Variants in PYGM observed in about 807,000 individuals in gnomAD.
PYGM encodes glycogen phosphorylase, muscle associated.
Under a neutral mutation model 99.3 loss-of-function variants are expected in PYGM, and 81 were observed. That is an observed-to-expected ratio of 0.82 (90% CI 0.68 to 0.98). PYGM has a LOEUF of 0.98. Among genes scored for constraint, PYGM ranks in the 50% least tolerant of loss-of-function variants. The pLI, the probability that PYGM is intolerant of heterozygous loss-of-function variation, is 0.00. For missense variants in PYGM, 1,030 were observed against 1,158.1 expected, an observed-to-expected ratio of 0.89 and a Z score of 1.61; for synonymous variants, 436 against 451.5, an observed-to-expected ratio of 0.97 and a Z score of 0.44.
At chr11:64,751,698 C>T (rs929632927) in intron 14 of PYGM, 43 bp from the exon 15 acceptor site, 1 of 1,609,436 alleles carries the variant, frequency 6.2e-7, no homozygotes, top group African/African-American at 1.3e-5. Flanking sequence ...ACCTTTCCCT[C>T]TGGGTAGTAG....
chr11:64,748,757 A>G (rs2058332010), intron 17 of PYGM: 1 of 152,228 alleles, frequency 6.6e-6, no homozygotes, highest in African/African-American at 2.4e-5. Context: ...ATGCTAAGAT[A>G]TCAGGATTCA....
Position 64,750,588 on chromosome 11 carries a change from G to C in PYGM, c.1970-5C>G. The C allele has an allele frequency of 6.2e-7, 1 of 1,613,742 alleles. No individual in the cohort carries two copies. Among genetic ancestry groups the C allele is most frequent in the Non-Finnish European group, 8.5e-7 (1 of 1,179,870 alleles). ...AGAGGTCTGCAGCTGGGATCACTGTGGGGTGGCAGCAGGGGGACAAGTCAA... is the reference window on the plus strand; with the variant it reads ...AGAGGTCTGCAGCTGGGATCACTGTCGGGTGGCAGCAGGGGGACAAGTCAA... On this transcript the variant is annotated splice_polypyrimidine_tract_variant and splice_region_variant and intron_variant, in intron 16 of 19. Coordinates refer to ENST00000164139, the MANE Select transcript of PYGM (RefSeq NM_005609.4).
chr11:64,751,317 G>C lies in PYGM; in HGVS notation c.1969+8C>G. On this transcript the variant is annotated splice_region_variant and intron_variant, in intron 16 of 19. Coordinates refer to ENST00000164139, the MANE Select transcript of PYGM (RefSeq NM_005609.4). Reference sequence around the variant, plus strand: ...AGCCTCCCTAGGGTCCCTGTTGGCAGCACCCACCTTTCTCGGCCAGTGAGA... The same window carrying C: ...AGCCTCCCTAGGGTCCCTGTTGGCACCACCCACCTTTCTCGGCCAGTGAGA... The C allele has an allele frequency of 6.2e-7, 1 of 1,614,116 alleles. No individual in the cohort carries two copies. The highest frequency in any genetic ancestry group is 8.5e-7 in the Non-Finnish European group (1 of 1,180,020).
At chr11:64,750,606 C>T in intron 16 of PYGM, 23 bp from the exon 17 acceptor site, 1 of 1,611,106 alleles carries the variant, frequency 6.2e-7, no homozygotes, top group Non-Finnish European at 8.5e-7. Flanking sequence ...AGCAGGGGGA[C>T]AAGTCAACTC....
At chr11:64,758,862 G>A (rs2135841174) in intron 1 of PYGM, among the ~76,000 whole-genome samples, 158 bp from the exon 2 acceptor site, 1 of 152,284 alleles carries the variant, frequency 6.6e-6, no homozygotes, top group South Asian at 2.1e-4. Flanking sequence ...TTGGGGCCCA[G>A]CGGTTAAGGT....
In PYGM at chr11:64,746,776, C is replaced by T. The variant is rs199927544; in HGVS notation, c.2412G>A (p.Arg804=). ...NPREWTRMVI[R]NIATSGKFSS... ...AGAACTTGCCAGAGGTGGCTATGTT[C>T]CGGATCACCATCCGCGTCCACTCTC... The change falls in exon 20 of 20, where the codon CGG becomes CGA. Residue 804 remains arginine (R), a synonymous_variant. Transcript: ENST00000164139. 86 of 1,614,162 alleles carry T rather than the reference C, an allele frequency of 5.3e-5. No individual in the cohort carries two copies. The East Asian group carries it at 1.7e-3, about 31-fold the overall frequency.
rs141889634 is a variant in PYGM at position 64,754,722 on chromosome 11, G to A, written c.970C>T (p.Arg324Cys). ...SSKFGCRDPV[R>C]TNFDAFPDKV... ...TCTGGGAAGGCATCGAAGTTCGTGC[G>A]CACGGGATCACGGCAGCCGAACTTG... The change falls in exon 8 of 20, where the codon CGC (arginine) becomes TGC (cysteine). Residue 324 changes from arginine to cysteine, a missense_variant. Coordinates refer to ENST00000164139, the MANE Select transcript of PYGM (RefSeq NM_005609.4). This position sits in a 1 kb window ranked among gnomAD's most constrained non-coding sequence, Gnocchi z 5.5. The A allele has an allele frequency of 4.3e-6, 7 of 1,613,660 alleles. No individual in the cohort carries two copies. Among genetic ancestry groups the A allele is most frequent in the South Asian group, 2.2e-5 (2 of 91,026 alleles).
Position 64,754,000 on chromosome 11 carries a change from C to G in PYGM, c.1118G>C (p.Cys373Ser). 3 of 1,605,642 alleles carry G rather than the reference C, an allele frequency of 1.9e-6. No homozygotes were observed. Among genetic ancestry groups the G allele is most frequent in the Non-Finnish European group, 2.6e-6 (3 of 1,176,012 alleles). The change falls in exon 10 of 20, where the codon TGT becomes TCT. Residue 373 changes from cysteine (C) to serine (S), a missense_variant. Transcript: ENST00000164139. Reference protein sequence around the residue: ...DKAWDVTVRTCAYTNHTVLPE... With the variant: ...DKAWDVTVRTSAYTNHTVLPE... The stretch of plus-strand genomic sequence containing the variant: ...CAGCACCGTGTGGTTGGTGTAGGCA[C>G]AGGTCCTCACTGTCACATCCCACGC...
intron 1 of PYGM, among the ~76,000 whole-genome samples, chr11:64,759,308 G>T (rs2058417320): frequency 6.6e-6 from 1 of 151,594 alleles, no homozygotes; most frequent in Non-Finnish European, 1.5e-5. Flanking sequence ...AGCTGCCCCA[G>T]CCCCGCCTGC....
intron 5 of PYGM, 50 bp downstream of exon 5, chr11:64,757,729 C>G: frequency 1.2e-6 from 2 of 1,612,878 alleles, no homozygotes; most frequent in East Asian, 2.2e-5. Context: ...GGGCTTCCTT[C>G]TCTTCCCTCC....
chr11:64,752,363 T>G (rs757383659), intron 13 of PYGM, 40 bp downstream of exon 13: 1 of 1,598,480 alleles, frequency 6.3e-7, no homozygotes, highest in Admixed American at 1.7e-5. Context: ...TCCAGCGCTC[T>G]CCACACAGCA....
intron 1 of PYGM, among the ~76,000 whole-genome samples, 176 bp from the exon 2 acceptor site, chr11:64,758,880 C>T (rs118038492): frequency 0.012 from 1,781 of 152,296 alleles, 8 homozygotes; most frequent in Admixed American, 0.028. Flanking sequence ...GGTTCTGGTC[C>T]CAGCATTCCT....
intron 16 of PYGM, 63 bp downstream of exon 16, chr11:64,751,262 G>A: frequency 6.2e-7 from 1 of 1,605,412 alleles, no homozygotes; most frequent in Non-Finnish European, 8.5e-7. Context: ...AGAGACGACT[G>A]ATACCTCTTC....
In PYGM at chr11:64,747,337, G is replaced by C. The variant is rs140102591; in HGVS notation, c.2199C>G (p.Tyr733Ter). 2.5e-6 allele frequency: 4 copies of C among 1,614,064 alleles called. No homozygotes were observed. The Admixed American group carries it at 6.7e-5, about 27-fold the overall frequency. Residue 733 changes from tyrosine (Y) to a stop codon, truncating the protein, a stop_gained, in exon 18 of 20, where the codon TAC (tyrosine) becomes TAG (stop). Coordinates refer to ENST00000164139, the MANE Select transcript of PYGM (RefSeq NM_005609.4). LOFTEE classifies it high-confidence loss of function. Reference sequence around the variant, plus strand: ...CCTGCCGAAGCTCAGGAATGCGATCGTAGTACTCCTGGGCATTGTACCTGC... The same window carrying C: ...CCTGCCGAAGCTCAGGAATGCGATCCTAGTACTCCTGGGCATTGTACCTGC... ...DQRGYNAQEY[Y>*]DRIPELRQVI... is the part of the protein sequence containing the mutation.
rs372262267 is a variant in PYGM at position 64,758,459 on chromosome 11, G to A, written c.402C>T (p.Asn134=). 17 of 1,613,820 alleles carry A rather than the reference G, an allele frequency of 1.1e-5. No homozygotes were observed. Among genetic ancestry groups the A allele is most frequent in the African/African-American group, 4.0e-5 (3 of 74,864 alleles). Residue 134 remains asparagine (N), a synonymous_variant, in exon 3 of 20, where the codon AAC becomes AAT. Transcript: ENST00000164139. The part of the protein sequence containing the change: ...EEIEEDAGLG[N]GGLGRLAACF... ...TACCTGCCAGCCGGCCCAGGCCCCC[G>A]TTGCCCAGCCCCGCATCCTCCTCAA... is the stretch of plus-strand genomic sequence containing the variant.
chr11:64,753,441 AGGG>A (rs2058370232), intron 11 of PYGM, 75 bp downstream of exon 11: 2 of 1,495,822 alleles, frequency 1.3e-6, no homozygotes, highest in African/African-American at 2.8e-5. Flanking sequence ...TGGTCGGTGA[AGGG>A]CGGGGCTTCT....
Position 64,751,455 on chromosome 11 carries a change from C to T in PYGM, c.1839G>A (p.Gly613=). Residue 613 remains glycine (G), a synonymous_variant, in exon 16 of 20, where the codon GGG becomes GGA. Coordinates refer to ENST00000164139, the MANE Select transcript of PYGM (RefSeq NM_005609.4). ...TGATGATCATCTTGGCCATGTGGTA[C>T]CCAGGTGCAGCCTGAGGGGACAAAG... ...TVMIGGKAAP[G]YHMAKMIIRL... 1 of 1,614,120 alleles carries T rather than the reference C, an allele frequency of 6.2e-7. No homozygotes were observed. The highest frequency in any genetic ancestry group is 8.5e-7 in the Non-Finnish European group (1 of 1,180,028).
chr11:64,755,908 G>A lies in PYGM; in HGVS notation c.661-350C>T, dbSNP rs938794779. On this transcript the variant is annotated intron_variant, in intron 5 of 19. Coordinates refer to ENST00000164139, the MANE Select transcript of PYGM (RefSeq NM_005609.4). This position sits in a 1 kb window ranked among gnomAD's most constrained non-coding sequence, Gnocchi z 4.1. The stretch of plus-strand genomic sequence containing the variant: ...GCCAGCCTGGCCTGAGCAAAAGCTA[G>A]AGGACACTGTGGACTCATGAGAGGG... 5.9e-5 allele frequency among the ~76,000 whole-genome samples: 9 copies of A among 152,216 alleles called. No individual in the cohort carries two copies. In the South Asian group the frequency reaches 1.9e-3, roughly 31 times the overall value.
Position 64,758,334 on chromosome 11 carries a change from G to A in PYGM, c.440C>T (p.Ser147Phe), listed in dbSNP as rs779198403. The A allele has an allele frequency of 6.2e-7, 1 of 1,613,884 alleles. No individual in the cohort carries two copies. The highest frequency in any genetic ancestry group is 1.1e-5 in the South Asian group (1 of 91,080). ...LGRLAACFLD[S>F]MATLGLAAYG... The stretch of plus-strand genomic sequence containing the variant: ...GGCGGCCAGGCCCAGTGTTGCCATG[G>A]AGTCAAGAAAGCAGGCTGGGGGTGT... The change falls in exon 4 of 20, where the codon TCC becomes TTC. Residue 147 changes from serine (S) to phenylalanine (F), a missense_variant. Ser to Phe is a radical substitution (Grantham distance 155). Transcript: ENST00000164139.
Sources: gnomAD v4.1 joint callset for allele counts (sites outside exome capture counted in the v4.1 genomes callset) on GRCh38, gnomAD v4.1.1 for gene constraint, Gnocchi (gnomAD v3.1) non-coding constraint, MANE v1.5 for transcripts, NCBI Gene and HGNC (gene_info 2026-07-23, HGNC 2026-07-21) for gene names.